CALHM3: variants seen among roughly 807,000 people sequenced by gnomAD.
The protein encoded by CALHM3 is calcium homeostasis modulator protein 3.
CALHM3 carries 9 observed loss-of-function variants against 13.6 expected under a neutral mutation model. That is an observed-to-expected ratio of 0.66 (90% CI 0.40 to 1.15). The LOEUF (loss-of-function observed/expected upper bound fraction) is 1.15, where lower values mean the gene tolerates loss of function less well. Among genes scored for constraint, CALHM3 ranks in the 50% most tolerant of loss-of-function variants. The probability of loss-of-function intolerance (pLI) is 0.01; values close to 1 mark genes in which losing one functional copy is unlikely to be tolerated. For missense variants in CALHM3, 497 were observed against 463.4 expected, an observed-to-expected ratio of 1.07 and a Z score of -0.67; for synonymous variants, 231 against 213.2, an observed-to-expected ratio of 1.08 and a Z score of -0.73.
In CALHM3 at chr10:103,473,324, G is replaced by C; in HGVS notation, c.924C>G (p.Ser308Arg). 6.7e-7 allele frequency: 1 copy of C among 1,498,032 alleles called. No homozygotes were observed. Among genetic ancestry groups the C allele is most frequent in the Non-Finnish European group, 8.9e-7 (1 of 1,119,060 alleles). The allele number at this position is 1,498,032 out of a possible 1,614,324, so 92.8% of individuals were successfully genotyped here. ...ATGCAGCCAGGTCCAGCGGCGGCTTGCTGGAGTACCACGTGCTTAGGAGGC... is the reference window on the plus strand; with the variant it reads ...ATGCAGCCAGGTCCAGCGGCGGCTTCCTGGAGTACCACGTGCTTAGGAGGC... ...VDRLLSTWYS[S>R]KPPLDLAASP... The change falls in exon 3 of 3, where the codon AGC (serine) becomes AGG (arginine). Residue 308 changes from serine (S) to arginine (R), a missense_variant. By Grantham distance (110) the Ser-to-Arg change is moderately radical. Coordinates refer to ENST00000369783, the MANE Select transcript of CALHM3 (RefSeq NM_001129742.2).
chr10:103,479,086 C>A lies in CALHM3; in HGVS notation c.-54G>T. On this transcript the variant is annotated 5_prime_UTR_variant, in exon 1 of 3. Coordinates refer to ENST00000369783, the MANE Select transcript of CALHM3 (RefSeq NM_001129742.2). ...TCGGTTCGGCTCAGTGAGGCTCTGG[C>A]CACCTTCCTGGTGTCTGCTGTGCTG... is the stretch of plus-strand genomic sequence containing the variant. The A allele has an allele frequency of 5.3e-6, 8 of 1,500,590 alleles. No individual in the cohort carries two copies. Among genetic ancestry groups the A allele is most frequent in the Non-Finnish European group, 7.2e-6 (8 of 1,117,766 alleles). 93.0% of individuals were successfully genotyped at this position (1,500,590 alleles called of 1,614,324 possible). A position where few individuals can be genotyped will look rare whatever the true frequency, so the allele number is the denominator to read the frequency against.
At position 103,479,234 on chromosome 10, in the gene CALHM3, G is replaced by T; in HGVS notation, c.-202C>A. 1 of 601,978 alleles carries T rather than the reference G, an allele frequency of 1.7e-6. No individual in the cohort carries two copies. The highest frequency in any genetic ancestry group is 2.9e-6 in the Non-Finnish European group (1 of 348,544). The allele number at this position is 601,978 out of a possible 1,614,324, so 37.3% of individuals were successfully genotyped here. On this transcript the variant is annotated 5_prime_UTR_variant, in exon 1 of 3. Coordinates refer to ENST00000369783, the MANE Select transcript of CALHM3 (RefSeq NM_001129742.2). ...GGATCCAGTAGGCACTTAAGGCAGGGACAGGCTCTCACCACAAAGGCTCCC... is the reference window on the plus strand; with the variant it reads ...GGATCCAGTAGGCACTTAAGGCAGGTACAGGCTCTCACCACAAAGGCTCCC...
chr10:103,476,083 T>C (rs1446638199), intron 2 of CALHM3, among the ~76,000 whole-genome samples: 1 of 152,168 alleles, frequency 6.6e-6, no homozygotes, highest in Non-Finnish European at 1.5e-5. Flanking sequence ...AAATGCTCAA[T>C]AAGTGGAGAT....
chr10:103,476,455 A>AG lies in CALHM3; in HGVS notation c.381dup (p.Phe128LeufsTer8). On this transcript the variant is annotated frameshift_variant, in exon 2 of 3. Transcript: ENST00000369783. LOFTEE classifies it high-confidence loss of function. ...TTCTCAGGGTCCACAGAGCTGCTGAAGGCACACACGAAGCACTTCCCGTCA... is the reference window on the plus strand; with the variant it reads ...TTCTCAGGGTCCACAGAGCTGCTGAAGGGCACACACGAAGCACTTCCCGTCA... 1.9e-6 allele frequency: 3 copies of AG among 1,551,724 alleles called. No homozygotes were observed. Among genetic ancestry groups the AG allele is most frequent in the Non-Finnish European group, 2.6e-6 (3 of 1,147,000 alleles).
chr10:103,478,707 G>T, intron 1 of CALHM3, 39 bp downstream of exon 1: 1 of 1,472,006 alleles, frequency 6.8e-7, no homozygotes, highest in Non-Finnish European at 9.0e-7. Context: ...GGGAGCCCCT[G>T]GCAAAGCTCA....
At position 103,473,045 on chromosome 10, in the gene CALHM3, G is replaced by T; in HGVS notation, c.*168C>A. The T allele has an allele frequency of 1.5e-6, 1 of 656,216 alleles. No individual in the cohort carries two copies. Among genetic ancestry groups the T allele is most frequent in the Non-Finnish European group, 2.2e-6 (1 of 458,526 alleles). The allele number at this position is 656,216 out of a possible 1,614,324, so 40.6% of individuals were successfully genotyped here. On this transcript the variant is annotated 3_prime_UTR_variant, in exon 3 of 3. Transcript: ENST00000369783. ...GTCCACATTAAAGTTTGTGAAGCGC[G>T]CTGGAGGCCACACCCAGAAACTAGG...
Position 103,476,483 on chromosome 10 carries a change from G to A in CALHM3, c.354C>T (p.Leu118=). 1 of 1,551,694 alleles carries A rather than the reference G, an allele frequency of 6.4e-7. No individual in the cohort carries two copies. Among genetic ancestry groups the A allele is most frequent in the East Asian group, 2.4e-5 (1 of 40,924 alleles). Residue 118 remains leucine (L), a synonymous_variant, in exon 2 of 3, where the codon CTC becomes CTT. Coordinates refer to ENST00000369783, the MANE Select transcript of CALHM3 (RefSeq NM_001129742.2). The part of the protein sequence containing the change: ...AAPLVWILLA[L]LDGKCFVCAF... The stretch of plus-strand genomic sequence containing the variant: ...CACACACGAAGCACTTCCCGTCAAG[G>A]AGGGCCAGCAGGATCCAGACCAGGG...
chr10:103,476,109 C>T (rs760342151), intron 2 of CALHM3, among the ~76,000 whole-genome samples, 185 bp downstream of exon 2: 21 of 152,208 alleles, frequency 1.4e-4, no homozygotes, highest in South Asian at 2.1e-4. Context: ...TTATTTCTCA[C>T]GGGTGGGAAG....
intron 2 of CALHM3, among the ~76,000 whole-genome samples, chr10:103,475,156 G>C (rs1198611204): frequency 6.6e-6 from 1 of 152,172 alleles, no homozygotes; most frequent in Admixed American, 6.5e-5. Context: ...GTCTCTTTAA[G>C]GCCCAGCTTG....
At position 103,476,300 on chromosome 10, in the gene CALHM3, C is replaced by T. The variant is rs752667505; in HGVS notation, c.537G>A (p.Leu179=). 2 of 1,551,346 alleles carry T rather than the reference C, an allele frequency of 1.3e-6. No individual in the cohort carries two copies. The highest frequency in any genetic ancestry group is 1.7e-6 in the Non-Finnish European group (2 of 1,146,966). ...RKAVSRYLRC[L]SQAIGWSVTL... ...GGAGGATCACCCCAGTTACCTGTGA[C>T]AGGCACCGCAGGTAGCGAGACACTG... Residue 179 remains leucine, a synonymous_variant, in exon 2 of 3, where the codon CTG becomes CTA. Coordinates refer to ENST00000369783, the MANE Select transcript of CALHM3 (RefSeq NM_001129742.2).
chr10:103,476,504 C>G lies in CALHM3; in HGVS notation c.333G>C (p.Leu111=). The stretch of plus-strand genomic sequence containing the variant: ...CAAGGAGGGCCAGCAGGATCCAGAC[C>G]AGGGGGGCGGCCAGCGCCCTCTGCA... ...SVLQRALAAP[L]VWILLALLDG... Residue 111 remains leucine (L), a synonymous_variant, in exon 2 of 3, where the codon CTG becomes CTC. Transcript: ENST00000369783. 4 of 1,551,618 alleles carry G rather than the reference C, an allele frequency of 2.6e-6. No individual in the cohort carries two copies. The highest frequency in any genetic ancestry group is 3.5e-6 in the Non-Finnish European group (4 of 1,147,006).
chr10:103,473,099 C>A lies in CALHM3; in HGVS notation c.*114G>T. The A allele has an allele frequency of 8.8e-7, 1 of 1,138,368 alleles. No individual in the cohort carries two copies. 70.5% of individuals were successfully genotyped at this position (1,138,368 alleles called of 1,614,324 possible). On this transcript the variant is annotated 3_prime_UTR_variant, in exon 3 of 3. Transcript: ENST00000369783. ...AGATTGGGCTACTTTAAAAAGGAGG[C>A]TAACAAGACTTAGGGTGCCTGCCGT...
In CALHM3 at chr10:103,473,134, A is replaced by G; in HGVS notation, c.*79T>C. The G allele has an allele frequency of 3.2e-6, 4 of 1,264,578 alleles. No homozygotes were observed. The highest frequency in any genetic ancestry group is 4.0e-6 in the Non-Finnish European group (4 of 999,012). The allele number at this position is 1,264,578 out of a possible 1,614,324, so 78.3% of individuals were successfully genotyped here. On this transcript the variant is annotated 3_prime_UTR_variant, in exon 3 of 3. Coordinates refer to ENST00000369783, the MANE Select transcript of CALHM3 (RefSeq NM_001129742.2). ...TTAGGGTGCCTGCCGTGGGGTCCCC[A>G]CGGCCTGGAAAGACTCCAGAACTTT...
chr10:103,473,041 G>T lies in CALHM3; in HGVS notation c.*172C>A. Reference sequence around the variant, plus strand: ...CCGAGTCCACATTAAAGTTTGTGAAGCGCGCTGGAGGCCACACCCAGAAAC... The same window carrying T: ...CCGAGTCCACATTAAAGTTTGTGAATCGCGCTGGAGGCCACACCCAGAAAC... On this transcript the variant is annotated 3_prime_UTR_variant, in exon 3 of 3. Transcript: ENST00000369783. 1.6e-6 allele frequency: 1 copy of T among 611,962 alleles called. No individual in the cohort carries two copies. The highest frequency in any genetic ancestry group is 2.4e-6 in the Non-Finnish European group (1 of 419,760). 37.9% of individuals were successfully genotyped at this position (611,962 alleles called of 1,614,324 possible).
Position 103,478,775 on chromosome 10 carries a change from C to G in CALHM3, c.258G>C (p.Gly86=), listed in dbSNP as rs1246524120. ...VMVEEWRRPA[G]HRRKDPGIIR... is the part of the protein sequence containing the mutation. ...TGATGCCTGGGTCCTTCCTCCGGTG[C>G]CCTGCGGGCCGGCGCCACTCCTCGA... The change falls in exon 1 of 3, where the codon GGG becomes GGC. Residue 86 remains glycine (G), a synonymous_variant. Coordinates refer to ENST00000369783, the MANE Select transcript of CALHM3 (RefSeq NM_001129742.2). 6.5e-7 allele frequency: 1 copy of G among 1,544,164 alleles called. No homozygotes were observed. Among genetic ancestry groups the G allele is most frequent in the Non-Finnish European group, 8.8e-7 (1 of 1,142,826 alleles).
chr10:103,473,776 C>T (rs576196448), intron 2 of CALHM3, 72 bp from the exon 3 acceptor site: 20 of 1,400,708 alleles, frequency 1.4e-5, no homozygotes, highest in Admixed American at 2.9e-5. Context: ...TTTATGAATA[C>T]GTATATGAAT....
intron 2 of CALHM3, among the ~76,000 whole-genome samples, chr10:103,475,017 C>T (rs1449867060): frequency 2.0e-5 from 3 of 152,308 alleles, no homozygotes; most frequent in South Asian, 2.1e-4. Flanking sequence ...GGCTGAACGA[C>T]AGTGACACAC....
Position 103,473,436 on chromosome 10 carries a change from G to T in CALHM3, c.812C>A (p.Pro271His), listed in dbSNP as rs1030429010. 3.9e-6 allele frequency: 6 copies of T among 1,530,416 alleles called. No individual in the cohort carries two copies. The highest frequency in any genetic ancestry group is 2.0e-5 in the Admixed American group (1 of 49,556). The allele number at this position is 1,530,416 out of a possible 1,614,324, so 94.8% of individuals were successfully genotyped here. A position where few individuals can be genotyped will look rare whatever the true frequency, so the allele number is the denominator to read the frequency against. The change falls in exon 3 of 3, where the codon CCC (proline) becomes CAC (histidine). Residue 271 changes from proline to histidine, a missense_variant. By Grantham distance (77) the Pro-to-His change is moderately conservative. Coordinates refer to ENST00000369783, the MANE Select transcript of CALHM3 (RefSeq NM_001129742.2). ...RGNAGRRLEL[P>H]AVPEPPEGLD... ...GCCTTCTGGGGGCTCAGGCACTGCG[G>T]GGAGCTCGAGTCTCCTGCCTGCATT...
chr10:103,479,197 C>A lies in CALHM3; in HGVS notation c.-165G>T. The A allele has an allele frequency of 1.3e-6, 1 of 769,824 alleles. No individual in the cohort carries two copies. The highest frequency in any genetic ancestry group is 2.9e-5 in the Admixed American group (1 of 33,996). 47.7% of individuals were successfully genotyped at this position (769,824 alleles called of 1,614,324 possible). A position where few individuals can be genotyped will look rare whatever the true frequency, so the allele number is the denominator to read the frequency against. On this transcript the variant is annotated 5_prime_UTR_variant, in exon 1 of 3. Coordinates refer to ENST00000369783, the MANE Select transcript of CALHM3 (RefSeq NM_001129742.2). ...GGAGGAAGCAGTGCCCAGGCCCCAG[C>A]CCAGGCTCCCGGGATCCAGTAGGCA...
Sources: allele counts gnomAD v4.1 joint callset (sites outside exome capture counted in the v4.1 genomes callset), GRCh38; gene constraint gnomAD v4.1.1; transcripts MANE v1.5; gene names NCBI Gene and HGNC (gene_info 2026-07-23, HGNC 2026-07-21).